The following ADAMTS6 variants were observed in gnomAD, a reference collection of about 807,000 sequenced individuals.
ADAMTS6 encodes the protein A disintegrin and metalloproteinase with thrombospondin motifs 6.
In ADAMTS6, 23 loss-of-function variants were observed where a neutral mutation model predicts 144.3. The observed-to-expected ratio is 0.16, with a 90% CI of 0.11 to 0.23. The LOEUF (loss-of-function observed/expected upper bound fraction) is 0.23. Ranked by LOEUF, ADAMTS6 falls within the 10% of genes least tolerant of loss-of-function variation. ADAMTS6 has a pLI of 1.00. For missense variants in ADAMTS6, 999 were observed against 1,379.6 expected (o/e 0.72, Z 4.37); for synonymous variants, 444 against 457.5 (o/e 0.97, Z 0.38).
At chr5:65,386,979 T>C (rs553699209) in intron 7 of ADAMTS6, among the ~76,000 whole-genome samples, 15 of 152,362 alleles carry the variant, frequency 9.8e-5, no homozygotes, top group African/African-American at 3.6e-4. Flanking sequence ...AAAACAAAGA[T>C]GACTTCACTG....
intron 5 of ADAMTS6, 52 bp from the exon 6 acceptor site, chr5:65,452,268 T>C (rs1158446110): frequency 1.8e-5 from 28 of 1,543,770 alleles, no homozygotes; most frequent in Non-Finnish European, 2.5e-5. Context: ...AATTATAGGG[T>C]GATAGTTTGG....
chr5:65,348,272 C>T (rs1393178403), intron 7 of ADAMTS6, among the ~76,000 whole-genome samples: 8 of 152,008 alleles, frequency 5.3e-5, no homozygotes, highest in South Asian at 4.2e-4. Context: ...CTATCTACAA[C>T]GAATGGATAA....
chr5:65,169,825 G>T (rs1214406660), intron 24 of ADAMTS6, among the ~76,000 whole-genome samples: 1 of 145,772 alleles, frequency 6.9e-6, no homozygotes, highest in Non-Finnish European at 1.5e-5. Flanking sequence ...TCATAGGTGG[G>T]AATTGAACAA....
intron 7 of ADAMTS6, among the ~76,000 whole-genome samples, chr5:65,405,285 C>T (rs1423564810): frequency 2.6e-5 from 4 of 152,182 alleles, no homozygotes; most frequent in Non-Finnish European, 5.9e-5. Flanking sequence ...TTAGATCTAA[C>T]ATTTCAGTCT....
intron 7 of ADAMTS6, among the ~76,000 whole-genome samples, chr5:65,335,144 A>G (rs947462502): frequency 6.6e-6 from 1 of 152,180 alleles, no homozygotes; most frequent in Non-Finnish European, 1.5e-5. Context: ...ATAACCAGCC[A>G]TATCACTGGG....
intron 7 of ADAMTS6, among the ~76,000 whole-genome samples, chr5:65,375,726 A>G (rs1017952952): frequency 2.5e-4 from 38 of 152,282 alleles, no homozygotes; most frequent in Middle Eastern, 3.4e-3. Flanking sequence ...ATCTAGAACT[A>G]GAAATACCAT....
chr5:65,375,560 G>A (rs150346987), intron 7 of ADAMTS6, among the ~76,000 whole-genome samples: 2,457 of 152,146 alleles, frequency 0.016, 39 homozygotes, highest in East Asian at 0.081. Context: ...ACCACAATGA[G>A]ATACCATCTC....
In ADAMTS6 at chr5:65,291,467, T is replaced by G. The variant is rs1301007696; in HGVS notation, c.1374A>C (p.Ser458=). 6.2e-7 allele frequency: 1 copy of G among 1,610,866 alleles called. No homozygotes were observed. The highest frequency in any genetic ancestry group is 8.5e-7 in the Non-Finnish European group (1 of 1,178,590). Residue 458 remains serine (S), a synonymous_variant, in exon 11 of 25, where the codon TCA becomes TCC. Coordinates refer to ENST00000381055, the MANE Select transcript of ADAMTS6 (RefSeq NM_197941.4). ...SRDYITSFLD[S]GRGTCLDNEP... ...CATTATCAAGGCAAGTACCACGGCC[T>G]GAACTGTTCAACATAAAGGATCAAA...
intron 11 of ADAMTS6, among the ~76,000 whole-genome samples, chr5:65,278,112 T>C (rs1243011743): frequency 6.6e-6 from 1 of 152,134 alleles, no homozygotes; most frequent in African/African-American, 2.4e-5. Flanking sequence ...TTACTTCACT[T>C]AGAATAATGG....
intron 7 of ADAMTS6, among the ~76,000 whole-genome samples, chr5:65,397,024 G>C (rs1314631927): frequency 6.6e-6 from 1 of 152,172 alleles, no homozygotes; most frequent in Non-Finnish European, 1.5e-5. Flanking sequence ...ATAGCTAAAA[G>C]GTCTATTCAG....
At chr5:65,337,382 C>A (rs148584667) in intron 7 of ADAMTS6, among the ~76,000 whole-genome samples, 4 of 152,000 alleles carry the variant, frequency 2.6e-5, no homozygotes, top group African/African-American at 9.6e-5. Flanking sequence ...TTTTCAATTT[C>A]TTTTTTGTGG....
Position 65,177,199 on chromosome 5 carries a change from C to T in ADAMTS6, c.2911-4191G>A, listed in dbSNP as rs58352525. ...TGGACTCATCACACCCGAGTCAAAG[C>T]GCCCCCACCTCCAGAGTCGTGGGCC... is the stretch of plus-strand genomic sequence containing the variant. On this transcript the variant is annotated intron_variant, in intron 22 of 24. Transcript: ENST00000381055. 3.9e-4 allele frequency among the ~76,000 whole-genome samples: 59 copies of T among 152,256 alleles called. No homozygotes were observed. The East Asian group carries it at 0.011, about 28-fold the overall frequency.
rs552484509 is a variant in ADAMTS6 at position 65,176,513 on chromosome 5, A to T, written c.2911-3505T>A. Among the ~76,000 whole-genome samples the T allele has an allele frequency of 1.3e-3, 197 of 152,354 alleles. No homozygotes were observed. The Middle Eastern group carries it at 0.02, about 16-fold the overall frequency. On this transcript the variant is annotated intron_variant, in intron 22 of 24. Transcript: ENST00000381055. ...AAGTTTTAAAACGTTAATTGTAAAG[A>T]AAATTCTGTGTGTAAACATATTGGC...
At position 65,188,153 on chromosome 5, in the gene ADAMTS6, G is replaced by C; in HGVS notation, c.2773C>G (p.Leu925Val). ...CDGGMRTRAV[L>V]CIRKIGPSEE... ...GAAGGTCCGATCTTCCTGATGCAGA[G>C]CACTGCCCTTGTGCGCATCCCACCA... Residue 925 changes from leucine to valine, a missense_variant, in exon 22 of 25, where the codon CTC (leucine) becomes GTC (valine). Around this residue, in one of 3 missense-constraint regions of ADAMTS6, gnomAD observed 619 missense variants for 837.0 expected, o/e 0.74. Transcript: ENST00000381055. 1.2e-6 allele frequency: 2 copies of C among 1,614,150 alleles called. No homozygotes were observed. Among genetic ancestry groups the C allele is most frequent in the Non-Finnish European group, 1.7e-6 (2 of 1,180,014 alleles).
rs757731769 is a variant in ADAMTS6 at position 65,299,995 on chromosome 5, T to C, written c.1360A>G (p.Ser454Gly). The C allele has an allele frequency of 4.3e-6, 7 of 1,613,446 alleles. No individual in the cohort carries two copies. The highest frequency in any genetic ancestry group is 1.7e-4 in the Middle Eastern group (1 of 6,058). The change falls in exon 10 of 25, where the codon AGC becomes GGC. Residue 454 changes from serine to glycine, a missense_variant. Coordinates refer to ENST00000381055, the MANE Select transcript of ADAMTS6 (RefSeq NM_197941.4). The stretch of plus-strand genomic sequence containing the variant: ...CCAGAGATTACTTACTCTAGAAAGC[T>C]GGTGATGTAGTCTCGACTGCAAGCA... ...WSACSRDYIT[S>G]FLDSGRGTCL...
intron 18 of ADAMTS6, among the ~76,000 whole-genome samples, chr5:65,216,637 T>C (rs2112340935): frequency 6.6e-6 from 1 of 152,218 alleles, no homozygotes; most frequent in South Asian, 2.1e-4. Flanking sequence ...TAAAAATAGT[T>C]AAATCTTAAA....
intron 7 of ADAMTS6, among the ~76,000 whole-genome samples, chr5:65,408,953 A>G (rs1754814041): frequency 6.6e-6 from 1 of 152,238 alleles, no homozygotes. Flanking sequence ...GAAACCAATG[A>G]GAACAAAGAC....
intron 7 of ADAMTS6, among the ~76,000 whole-genome samples, chr5:65,336,128 A>G (rs530326301): frequency 1.3e-4 from 20 of 152,234 alleles, no homozygotes; most frequent in African/African-American, 4.8e-4. Flanking sequence ...TATAGTAGAG[A>G]AGGATTTTTT....
intron 7 of ADAMTS6, among the ~76,000 whole-genome samples, chr5:65,364,446 C>T (rs1229619901): frequency 6.6e-6 from 1 of 151,716 alleles, no homozygotes; most frequent in Non-Finnish European, 1.5e-5. Context: ...ATAAAGAATA[C>T]AATATGAGTA....
Sources: gnomAD v4.1 joint callset for allele counts (sites outside exome capture counted in the v4.1 genomes callset) on GRCh38, gnomAD v4.1.1 for gene constraint, gnomAD v4.1.1 regional missense constraint, MANE v1.5 for transcripts, NCBI Gene and HGNC (gene_info 2026-07-23, HGNC 2026-07-21) for gene names.